The following KMT2C variants were observed in gnomAD, a reference collection of about 807,000 sequenced individuals.
KMT2C encodes histone-lysine N-methyltransferase 2C.
KMT2C carries 88 observed loss-of-function variants against 507.9 expected under a neutral mutation model. The ratio of observed to expected loss-of-function variants is 0.17; its 90% CI spans 0.15 to 0.21. KMT2C has a LOEUF of 0.21. Ranked by LOEUF, KMT2C falls within the 10% of genes least tolerant of loss-of-function variation. The pLI is 1.00. For synonymous variants in KMT2C, 2,049 were observed against 2,080.8 expected, an observed-to-expected ratio of 0.98 and a Z score of 0.42; for missense variants, 4,954 against 5,957.8, an observed-to-expected ratio of 0.83 and a Z score of 5.55.
At chr7:152,318,132 C>T (rs2096738621) in intron 3 of KMT2C, among the ~76,000 whole-genome samples, 2 of 151,894 alleles carry the variant, frequency 1.3e-5, no homozygotes, top group African/African-American at 4.8e-5. Flanking sequence ...AGCAAGACTC[C>T]ACCTCAAAAA....
intron 23 of KMT2C, among the ~76,000 whole-genome samples, chr7:152,209,743 TAAAAAAAA>T (rs1174360544): frequency 8.6e-6 from 1 of 116,342 alleles, no homozygotes; most frequent in Non-Finnish European, 1.8e-5. Context: ...CAATCTCCTT[TAAAAAAAA>T]AAAAAAAAAG....
intron 7 of KMT2C, among the ~76,000 whole-genome samples, chr7:152,271,394 C>G (rs1296522619): frequency 6.6e-6 from 1 of 152,024 alleles, no homozygotes; most frequent in African/African-American, 2.4e-5. Flanking sequence ...CCAAGGAGGC[C>G]GGGCACGATG....
chr7:152,271,481 A>G (rs2095968466), intron 7 of KMT2C, among the ~76,000 whole-genome samples: 1 of 151,862 alleles, frequency 6.6e-6, no homozygotes, highest in Non-Finnish European at 1.5e-5. Context: ...AGACGAATCT[A>G]GCCAACACAG....
chr7:152,247,394 A>G (rs1312954448), intron 14 of KMT2C, among the ~76,000 whole-genome samples: 1 of 152,220 alleles, frequency 6.6e-6, no homozygotes, highest in Non-Finnish European at 1.5e-5. Context: ...CTACTTGAAA[A>G]AAGAAATCCC....
intron 6 of KMT2C, among the ~76,000 whole-genome samples, chr7:152,303,649 A>T (rs956799450): frequency 1.3e-5 from 2 of 151,068 alleles, no homozygotes; most frequent in African/African-American, 2.5e-5. Flanking sequence ...CAGACAGAAT[A>T]AAAAACTCAC....
chr7:152,318,124 C>A (rs1384422748), intron 3 of KMT2C, among the ~76,000 whole-genome samples: 6 of 152,100 alleles, frequency 3.9e-5, no homozygotes, highest in African/African-American at 1.4e-4. Flanking sequence ...GGCGACAGAG[C>A]AAGACTCCAC....
chr7:152,141,712 CAA>C (rs1249621681), intron 55 of KMT2C, among the ~76,000 whole-genome samples: 28 of 61,840 alleles, frequency 4.5e-4, no homozygotes, highest in Admixed American at 5.3e-4. Context: ...GACTCTGTCT[CAA>C]AAAAAAAAAA....
At chr7:152,322,170 C>A (rs2096778724) in intron 3 of KMT2C, among the ~76,000 whole-genome samples, 4 of 151,878 alleles carry the variant, frequency 2.6e-5, no homozygotes, top group African/African-American at 4.8e-5. Context: ...TGAAACCAGC[C>A]TGGGCAACAT....
At chr7:152,398,710 T>A (rs2097552189) in intron 1 of KMT2C, among the ~76,000 whole-genome samples, 1 of 152,094 alleles carries the variant, frequency 6.6e-6, no homozygotes, top group South Asian at 2.1e-4. Context: ...CCCTTTTACT[T>A]TTTAAGTTAT....
chr7:152,270,912 C>G (rs552022335), intron 7 of KMT2C, among the ~76,000 whole-genome samples: 1 of 152,262 alleles, frequency 6.6e-6, no homozygotes, highest in South Asian at 2.1e-4. Context: ...GAGATGCATG[C>G]TTTTGTTAAA....
intron 6 of KMT2C, among the ~76,000 whole-genome samples, chr7:152,308,673 C>CAAAAAAAAAAAAAAAAAAAAAA (rs938826373): frequency 4.1e-5 from 1 of 24,558 alleles, no homozygotes; most frequent in African/African-American, 1.5e-4. Flanking sequence ...AAACTCCTCT[C>CAAAAAAAAAAAAAAAAAAAAAA]AAAAAAAAAA....
At chr7:152,260,624 G>GAA (rs2095753705) in intron 9 of KMT2C, among the ~76,000 whole-genome samples, 2 of 152,066 alleles carry the variant, frequency 1.3e-5, no homozygotes, top group African/African-American at 4.8e-5. Context: ...AAAAACTGAA[G>GAA]AAAATGTTTT....
At chr7:152,411,202 A>C (rs1347378650) in intron 1 of KMT2C, among the ~76,000 whole-genome samples, 3 of 151,396 alleles carry the variant, frequency 2.0e-5, no homozygotes, top group Non-Finnish European at 4.4e-5. Context: ...AAAATATCCT[A>C]TGAAAAGAAA....
chr7:152,190,038 T>C (rs1021536975), intron 31 of KMT2C, among the ~76,000 whole-genome samples: 5 of 152,108 alleles, frequency 3.3e-5, no homozygotes, highest in African/African-American at 7.2e-5. Flanking sequence ...CAAACCCTAT[T>C]GTGAAGTGTG....
chr7:152,207,999 C>T (rs910173097), intron 23 of KMT2C, among the ~76,000 whole-genome samples: 69 of 152,158 alleles, frequency 4.5e-4, no homozygotes, highest in African/African-American at 1.6e-3. Flanking sequence ...TCACTCTCTA[C>T]TACCATCTTA....
intron 9 of KMT2C, among the ~76,000 whole-genome samples, chr7:152,258,782 T>C (rs1332550035): frequency 6.6e-6 from 1 of 152,132 alleles, no homozygotes; most frequent in African/African-American, 2.4e-5. Flanking sequence ...CGCTTCAGCC[T>C]CCCAAAGTGC....
intron 1 of KMT2C, among the ~76,000 whole-genome samples, chr7:152,384,614 C>T (rs1589628472): frequency 8.1e-5 from 12 of 148,004 alleles, no homozygotes; most frequent in African/African-American, 2.5e-4. Flanking sequence ...ACCACCACCA[C>T]GCTGCACTGA....
chr7:152,299,384 T>C (rs1037002902), intron 6 of KMT2C, among the ~76,000 whole-genome samples: 16 of 151,554 alleles, frequency 1.1e-4, no homozygotes, highest in African/African-American at 3.9e-4. Context: ...CCAGGTGCAA[T>C]GGCTCACACC....
At chr7:152,147,921 A>G in intron 52 of KMT2C, 112 bp downstream of exon 52, 1 of 1,163,766 alleles carries the variant, frequency 8.6e-7, no homozygotes, top group Non-Finnish European at 1.2e-6. Flanking sequence ...AAAAATACAC[A>G]TTATAAAATA....
Sources: allele counts gnomAD v4.1 joint callset (sites outside exome capture counted in the v4.1 genomes callset), GRCh38; gene constraint gnomAD v4.1.1; transcripts MANE v1.5; gene names NCBI Gene and HGNC (gene_info 2026-07-23, HGNC 2026-07-21).